MOV10L1: variants seen among roughly 807,000 people sequenced by gnomAD.
MOV10L1 encodes RNA helicase Mov10l1.
In MOV10L1, 110 loss-of-function variants were observed where a neutral mutation model predicts 143.8. The observed-to-expected ratio is 0.76, with a 90% CI of 0.66 to 0.90. MOV10L1 has a LOEUF of 0.90. Among genes scored for constraint, MOV10L1 ranks in the 40% least tolerant of loss-of-function variants. The pLI is 0.00. For missense variants in MOV10L1, 1,406 were observed against 1,526.8 expected (o/e 0.92, Z 1.32); for synonymous variants, 593 against 581.1 (o/e 1.02, Z -0.29).
At chr22:50,112,245 C>T (rs763104955) in intron 5 of MOV10L1, among the ~76,000 whole-genome samples, 20 of 152,340 alleles carry the variant, frequency 1.3e-4, no homozygotes, top group East Asian at 3.9e-4. Context: ...GCACTGCTCC[C>T]GCTGCATCTG....
rs529438045 is a variant in MOV10L1 at position 50,111,486 on chromosome 22, C to CTTT, written c.744-2137_744-2135dup. Among the ~76,000 whole-genome samples, 91 of 59,146 alleles carry CTTT rather than the reference C, an allele frequency of 1.5e-3. 17 individuals are homozygous for CTTT. The highest frequency in any genetic ancestry group is 2.1e-3 in the Non-Finnish European group (65 of 31,030). 38.8% of individuals were successfully genotyped at this position (59,146 alleles called of 152,430 possible). On this transcript the variant is annotated intron_variant, in intron 5 of 26. Transcript: ENST00000262794. ...GAGTGGGGTCCCGACTCTGTCTTTG[C>CTTT]TTTTTTTTTTTTTTTTTTTTTTTTT... is the stretch of plus-strand genomic sequence containing the variant.
At chr22:50,114,971 C>T in intron 7 of MOV10L1, 143 bp from the exon 8 acceptor site, 2 of 907,028 alleles carry the variant, frequency 2.2e-6, no homozygotes, top group Non-Finnish European at 3.2e-6. Flanking sequence ...TTTTTCCAGC[C>T]ACCACCTGAG....
rs544461219 is a variant in MOV10L1, at chr22:50,152,959, G to T, written c.2893-86G>T. ...GGCTTGGAAGTCAGGCAGGCCTCAC[G>T]TTTGCTGTGCAGAGCCGCTTTTCGT... is the stretch of plus-strand genomic sequence containing the variant. On this transcript the variant is annotated intron_variant, in intron 21 of 26. Transcript: ENST00000262794. This position sits in a 1 kb window ranked among gnomAD's most constrained non-coding sequence, Gnocchi z 4.4. 2.9e-6 allele frequency: 4 copies of T among 1,383,714 alleles called. 1 individual carries two copies. The highest frequency in any genetic ancestry group is 2.8e-5 in the South Asian group (2 of 71,906). The allele number at this position is 1,383,714 out of a possible 1,614,324, so 85.7% of individuals were successfully genotyped here.
intron 5 of MOV10L1, among the ~76,000 whole-genome samples, chr22:50,110,702 G>A (rs780474120): frequency 4.6e-5 from 7 of 152,082 alleles, no homozygotes; most frequent in Non-Finnish European, 8.8e-5. Flanking sequence ...AGGCCAAGGC[G>A]GGCGGATTGC....
chr22:50,144,813 C>T (rs1420212941), intron 18 of MOV10L1, among the ~76,000 whole-genome samples: 2 of 152,026 alleles, frequency 1.3e-5, no homozygotes, highest in Non-Finnish European at 2.9e-5. Flanking sequence ...GATCTCCTGA[C>T]CTCATGATCT....
chr22:50,136,702 A>G (rs920689950), intron 15 of MOV10L1, among the ~76,000 whole-genome samples: 3 of 152,144 alleles, frequency 2.0e-5, no homozygotes, highest in African/African-American at 7.2e-5. Context: ...GACAGAGTAG[A>G]GTGCTGGGGA....
At chr22:50,125,946 C>A (rs961099150) in intron 11 of MOV10L1, among the ~76,000 whole-genome samples, 8 of 144,100 alleles carry the variant, frequency 5.6e-5, no homozygotes, top group Admixed American at 2.2e-4. Context: ...CGCCACCACA[C>A]CCGGCTGATT....
chr22:50,104,587 T>C (rs2061823325), intron 3 of MOV10L1, among the ~76,000 whole-genome samples: 1 of 152,206 alleles, frequency 6.6e-6, no homozygotes, highest in East Asian at 1.9e-4. Context: ...GAAATATCTA[T>C]GTATTGGTTA....
In MOV10L1 at chr22:50,117,240, G is replaced by A. The variant is rs1207077717; in HGVS notation, c.1343G>A (p.Ser448Asn). 6 of 1,613,992 alleles carry A rather than the reference G, an allele frequency of 3.7e-6. No homozygotes were observed. The highest frequency in any genetic ancestry group is 5.1e-6 in the Non-Finnish European group (6 of 1,180,026). Residue 448 changes from serine (S) to asparagine (N), a missense_variant, in exon 9 of 27, where the codon AGT (serine) becomes AAT (asparagine). Around this residue, in one of 3 missense-constraint regions of MOV10L1, gnomAD observed 1,233 missense variants for 1,351.4 expected, o/e 0.91. Transcript: ENST00000262794. The part of the protein sequence containing the change: ...IGRYLEVNVI[S>N]GEESLIAARE... ...CGATACCTTGAAGTAAATGTTATCA[G>A]TGGGGAGGAGTCACTAATTGCTGCG...
chr22:50,145,008 T>C (rs541500004), intron 18 of MOV10L1, among the ~76,000 whole-genome samples: 1 of 152,242 alleles, frequency 6.6e-6, no homozygotes, highest in South Asian at 2.1e-4. Flanking sequence ...AGTGGTGTGA[T>C]CTTGGCTAAC....
chr22:50,150,480 G>A (rs1347797739), intron 20 of MOV10L1, among the ~76,000 whole-genome samples: 1 of 152,262 alleles, frequency 6.6e-6, no homozygotes, highest in Non-Finnish European at 1.5e-5. Context: ...GAGATTCGCA[G>A]GAGAGAAAAC....
intron 10 of MOV10L1, among the ~76,000 whole-genome samples, chr22:50,122,178 C>T (rs190780420): frequency 1.3e-5 from 2 of 152,296 alleles, no homozygotes; most frequent in East Asian, 3.9e-4. Context: ...ATCCTCCAGG[C>T]TATGAACATG....
intron 3 of MOV10L1, among the ~76,000 whole-genome samples, chr22:50,100,256 G>T (rs1245817116): frequency 2.0e-5 from 3 of 152,110 alleles, no homozygotes; most frequent in Non-Finnish European, 4.4e-5. Flanking sequence ...GCCTCCTAAA[G>T]TGCTGGGATT....
chr22:50,093,649 C>G (rs548324311), intron 2 of MOV10L1: 1 of 152,292 alleles, frequency 6.6e-6, no homozygotes, highest in African/African-American at 2.4e-5. Flanking sequence ...ACTGGGACCA[C>G]AGGTGTACAC....
At position 50,150,952 on chromosome 22, in the gene MOV10L1, C is replaced by G. The variant is rs1023411745; in HGVS notation, c.2892+53C>G. ...GTCCCCAGCTAAGCAGACACAGGCT[C>G]CAGGGCAGTCGAGCAGCTCACTCTT... On this transcript the variant is annotated intron_variant, in intron 21 of 26. Transcript: ENST00000262794. 4 of 1,605,580 alleles carry G rather than the reference C, an allele frequency of 2.5e-6. No individual in the cohort carries two copies. In the Admixed American group the frequency reaches 6.7e-5, roughly 27 times the overall value.
At chr22:50,132,604 T>C (rs954370085) in intron 13 of MOV10L1, among the ~76,000 whole-genome samples, 2 of 152,248 alleles carry the variant, frequency 1.3e-5, no homozygotes, top group Admixed American at 1.3e-4. Flanking sequence ...TCTAATTGCT[T>C]GTTTCTAGTA....
intron 12 of MOV10L1, among the ~76,000 whole-genome samples, chr22:50,126,500 T>A (rs2062510496): frequency 6.6e-6 from 1 of 152,252 alleles, no homozygotes; most frequent in Non-Finnish European, 1.5e-5. Context: ...TATATGTAAG[T>A]CATGAGGTTT....
rs539777267 is a variant in MOV10L1 at position 50,136,626 on chromosome 22, G to A, written c.2070+1996G>A. Reference sequence around the variant, plus strand: ...GAGAGCACCAAGAGGGAGCCCAGGCGGAGTGCAGTGACCTGAGTACAGAGA... The same window carrying A: ...GAGAGCACCAAGAGGGAGCCCAGGCAGAGTGCAGTGACCTGAGTACAGAGA... On this transcript the variant is annotated intron_variant, in intron 15 of 26. Transcript: ENST00000262794. Among the ~76,000 whole-genome samples, 41 of 152,304 alleles carry A rather than the reference G, an allele frequency of 2.7e-4. 3 individuals carry two copies. The South Asian group carries it at 8.3e-3, about 31-fold the overall frequency.
chr22:50,150,231 C>G (rs895180654), intron 20 of MOV10L1, among the ~76,000 whole-genome samples: 1 of 152,192 alleles, frequency 6.6e-6, no homozygotes, highest in Non-Finnish European at 1.5e-5. Context: ...TTTCAGGGTC[C>G]TCCTTGGCAC....
Sources: gnomAD v4.1 joint callset for allele counts (sites outside exome capture counted in the v4.1 genomes callset) on GRCh38, gnomAD v4.1.1 for gene constraint, gnomAD v4.1.1 regional missense constraint, Gnocchi (gnomAD v3.1) non-coding constraint, MANE v1.5 for transcripts, NCBI Gene and HGNC (gene_info 2026-07-23, HGNC 2026-07-21) for gene names.